SFR1: variants seen among roughly 807,000 people sequenced by gnomAD.
SFR1 encodes the protein SWI5 dependent homologous recombination repair protein 1.
SFR1 carries 24 observed loss-of-function variants against 26.2 expected under a neutral mutation model. The observed-to-expected ratio is 0.92, with a 90% CI of 0.66 to 1.29. SFR1 has a LOEUF of 1.29. SFR1 is among the 50% of genes most tolerant of loss of function. SFR1 has a pLI of 0.00. For missense variants in SFR1, 276 were observed against 270.2 expected (o/e 1.02, Z -0.15); for synonymous variants, 77 against 96.6 (o/e 0.80, Z 1.19).
upstream of SFR1, chr10:104,122,113 G>A: frequency 6.5e-7 from 1 of 1,531,436 alleles, no homozygotes; most frequent in African/African-American, 1.4e-5. Context: ...TCCGCCTACC[G>A]CACGGCCCCG....
At chr10:104,124,824 A>T (rs1456999648) in intron 3 of SFR1, among the ~76,000 whole-genome samples, 1 of 152,176 alleles carries the variant, frequency 6.6e-6, no homozygotes, top group Non-Finnish European at 1.5e-5. Flanking sequence ...TTTTAGAGAC[A>T]TGGTCTCTGT....
chr10:104,122,074 T>C (rs1273679077), upstream of SFR1: 5 of 1,314,292 alleles, frequency 3.8e-6, no homozygotes, highest in Non-Finnish European at 5.3e-6. Context: ...GCCTCGCGCG[T>C]CAGGCAATCT....
At chr10:104,121,092 T>G (rs543630452), upstream of SFR1, among the ~76,000 whole-genome samples, 1 of 140,158 alleles carries the variant, frequency 7.1e-6, no homozygotes, top group Non-Finnish European at 1.5e-5. Flanking sequence ...AACCTCGCCA[T>G]ACTGGAAGCG....
rs76224672 is a variant in SFR1 at position 104,123,449 on chromosome 10, G to T, written c.136-265G>T. 1,712 of 392,738 alleles carry T rather than the reference G, an allele frequency of 4.4e-3. 16 individuals carry two copies. Among genetic ancestry groups the T allele is most frequent in the African/African-American group, 0.032 (1,557 of 48,442 alleles). The allele number at this position is 392,738 out of a possible 1,614,324, so 24.3% of individuals were successfully genotyped here. A position where few individuals can be genotyped will look rare whatever the true frequency, so the allele number is the denominator to read the frequency against. ...CTGGAGTACTATCAGGCATGTGCTTGTTACTGAACAAATGTTCCTTGATTA... is the reference window on the plus strand; with the variant it reads ...CTGGAGTACTATCAGGCATGTGCTTTTTACTGAACAAATGTTCCTTGATTA... On this transcript the variant is annotated intron_variant, in intron 2 of 3. Coordinates refer to ENST00000369727, the MANE Select transcript of SFR1 (RefSeq NM_001002759.2).
chr10:104,122,752 C>T (rs2086979301), intron 1 of SFR1: 1 of 1,467,494 alleles, frequency 6.8e-7, no homozygotes, highest in African/African-American at 1.4e-5. Context: ...GAGATACTAG[C>T]TGGTTGATGT....
intron 2 of SFR1, chr10:104,123,316 G>A: frequency 2.1e-6 from 1 of 474,504 alleles, no homozygotes; most frequent in Non-Finnish European, 3.7e-6. Context: ...TTCAGATTAG[G>A]TTATTACAAT....
At chr10:104,124,231 A>T in intron 3 of SFR1, 107 bp downstream of exon 3, 1 of 997,220 alleles carries the variant, frequency 1.0e-6, no homozygotes, top group Non-Finnish European at 1.4e-6. Context: ...GCAATAAGCC[A>T]AATATTCAGA....
In SFR1 at chr10:104,125,541, TAAAG is replaced by T. The variant is rs1162970407; in HGVS notation, c.578_581del (p.Lys193SerfsTer24). 2 of 1,612,378 alleles carry T rather than the reference TAAAG, an allele frequency of 1.2e-6. No homozygotes were observed. ...GATCTGTCTCAGTTACAGTTGTTAA[TAAAG>T]AAGTGGAGAAGCTGTAGCCAGCTCT... On this transcript the variant is annotated frameshift_variant, in exon 4 of 4. Transcript: ENST00000369727. LOFTEE classifies it high-confidence loss of function.
chr10:104,123,922 T>G lies in SFR1; in HGVS notation c.344T>G (p.Leu115Trp). 6.2e-7 allele frequency: 1 copy of G among 1,613,152 alleles called. No homozygotes were observed. The highest frequency in any genetic ancestry group is 8.5e-7 in the Non-Finnish European group (1 of 1,179,686). ...AGTGAATTTGAAGAAAATACAAATT[T>G]GAAAAATACTTTGAAGAATCTCAAT... ...IDSEFEENTN[L>W]KNTLKNLNVC... is the part of the protein sequence containing the mutation. Residue 115 changes from leucine (L) to tryptophan (W), a missense_variant, in exon 3 of 4, where the codon TTG becomes TGG. Leu to Trp is a moderately conservative substitution (Grantham distance 61, BLOSUM62 -2). Coordinates refer to ENST00000369727, the MANE Select transcript of SFR1 (RefSeq NM_001002759.2).
upstream of SFR1, among the ~76,000 whole-genome samples, chr10:104,121,860 C>T (rs1428738258): frequency 1.3e-5 from 2 of 152,212 alleles, no homozygotes; most frequent in Admixed American, 1.3e-4. Flanking sequence ...CCTCGCCCGC[C>T]CCGAAGACCT....
chr10:104,123,593 G>T, intron 2 of SFR1, 121 bp from the exon 3 acceptor site: 1 of 666,584 alleles, frequency 1.5e-6, no homozygotes, highest in East Asian at 3.1e-5. Context: ...TTTAGATGTG[G>T]AGACAGAAAG....
chr10:104,122,878 T>G, intron 1 of SFR1, 87 bp from the exon 2 acceptor site: 1 of 1,573,654 alleles, frequency 6.4e-7, no homozygotes, highest in South Asian at 1.1e-5. Flanking sequence ...GTGGATGCTT[T>G]GTACACCAAT....
intron 1 of SFR1, chr10:104,122,488 C>T (rs947191055): frequency 2.8e-5 from 28 of 985,430 alleles, no homozygotes; most frequent in South Asian, 4.7e-5. Flanking sequence ...GGCTTAAATG[C>T]GTCTCCGCTG....
At chr10:104,122,699 AT>A in intron 1 of SFR1, 1 of 1,377,930 alleles carries the variant, frequency 7.3e-7, no homozygotes. Flanking sequence ...ATTTGAATAT[AT>A]TTTGGTGGAT....
intron 3 of SFR1, among the ~76,000 whole-genome samples, chr10:104,124,917 C>T (rs1164734426): frequency 6.6e-6 from 1 of 152,164 alleles, no homozygotes; most frequent in Admixed American, 6.5e-5. Context: ...CCAACTCAGC[C>T]TCCCTAGTAG....
intron 1 of SFR1, chr10:104,122,522 AGGGTAACG>A (rs1412656943): frequency 1.1e-5 from 11 of 985,284 alleles, no homozygotes; most frequent in African/African-American, 1.7e-5. Flanking sequence ...TCGGGCCGGC[AGGGTAACG>A]GGTTCTAGTC....
upstream of SFR1, among the ~76,000 whole-genome samples, chr10:104,121,658 G>A (rs1418140921): frequency 6.6e-6 from 1 of 152,202 alleles, no homozygotes; most frequent in East Asian, 1.9e-4. Flanking sequence ...TGACTAGCAG[G>A]GAGAGGAGAC....
intron 2 of SFR1, 67 bp downstream of exon 2, chr10:104,123,153 T>G: frequency 8.2e-7 from 1 of 1,220,482 alleles, no homozygotes; most frequent in South Asian, 1.6e-5. Context: ...AGTGGTGGTT[T>G]AAATTCTACG....
At chr10:104,124,247 GGCT>G (rs1252179698) in intron 3 of SFR1, 123 bp downstream of exon 3, 1 of 853,046 alleles carries the variant, frequency 1.2e-6, no homozygotes, top group Non-Finnish European at 1.7e-6. Context: ...TCAGAAACCT[GGCT>G]TCCAACAGCT....
Sources: gnomAD v4.1 joint callset for allele counts (sites outside exome capture counted in the v4.1 genomes callset) on GRCh38, gnomAD v4.1.1 for gene constraint, MANE v1.5 for transcripts, NCBI Gene and HGNC (gene_info 2026-07-23, HGNC 2026-07-21) for gene names.